Variants in PDE1C observed in about 807,000 individuals in gnomAD.
The protein encoded by PDE1C is dual specificity calcium/calmodulin-dependent 3',5'-cyclic nucleotide phosphodiesterase 1C.
In PDE1C, 62 loss-of-function variants were observed where a neutral mutation model predicts 93.1. The ratio of observed to expected loss-of-function variants is 0.67; its 90% CI spans 0.54 to 0.82. The LOEUF is 0.82. PDE1C is among the 40% of genes least tolerant of loss of function. PDE1C has a pLI of 0.00. For synonymous variants in PDE1C, 325 were observed against 310.1 expected, an observed-to-expected ratio of 1.05 and a Z score of -0.50; for missense variants, 742 against 884.6, an observed-to-expected ratio of 0.84 and a Z score of 2.04.
chr7:31,889,067 G>C (rs1230267167), intron 2 of PDE1C, among the ~76,000 whole-genome samples: 2 of 152,134 alleles, frequency 1.3e-5, no homozygotes, highest in African/African-American at 4.8e-5. Flanking sequence ...TCAACATTTA[G>C]AAATATGAAT....
At chr7:32,096,866 G>A (rs1797783282) in intron 3 of PDE1C, among the ~76,000 whole-genome samples, 2 of 152,126 alleles carry the variant, frequency 1.3e-5, no homozygotes, top group Non-Finnish European at 2.9e-5. Flanking sequence ...TAGATAGACA[G>A]ACAGATCAAC....
intron 2 of PDE1C, among the ~76,000 whole-genome samples, chr7:31,977,724 C>G (rs933843115): frequency 6.6e-6 from 1 of 152,134 alleles, no homozygotes; most frequent in African/African-American, 2.4e-5. Context: ...TCCTTTAGAA[C>G]AAGGATCTTA....
At position 31,824,963 on chromosome 7, in the gene PDE1C, G is replaced by A; in HGVS notation, c.1310C>T (p.Pro437Leu). Reference protein sequence around the residue: ...QVGFIDFIVEPTFTVLTDMTE... With the variant: ...QVGFIDFIVELTFTVLTDMTE... ...CATGTCCGTAAGCACAGTGAAGGTG[G>A]GTTCCACGATGAAATCAATGAAACC... is the stretch of plus-strand genomic sequence containing the variant. The change falls in exon 13 of 18, where the codon CCC (proline) becomes CTC (leucine). Residue 437 changes from proline (P) to leucine (L), a missense_variant. By Grantham distance (98) the Pro-to-Leu change is moderately conservative. Transcript: ENST00000396191. 4 of 1,613,166 alleles carry A rather than the reference G, an allele frequency of 2.5e-6. No individual in the cohort carries two copies. Among genetic ancestry groups the A allele is most frequent in the Non-Finnish European group, 3.4e-6 (4 of 1,179,462 alleles).
intron 1 of PDE1C, among the ~76,000 whole-genome samples, chr7:32,419,869 T>C (rs555171980): frequency 6.9e-4 from 105 of 151,422 alleles, no homozygotes; most frequent in African/African-American, 2.4e-3. Flanking sequence ...ACTCATCCTG[T>C]CCGCTGTGTG....
intron 1 of PDE1C, among the ~76,000 whole-genome samples, chr7:32,224,095 G>A (rs977578593): frequency 3.3e-5 from 5 of 152,174 alleles, no homozygotes; most frequent in African/African-American, 4.8e-5. Flanking sequence ...AGGCTTGGCC[G>A]GGCACAGTGG....
chr7:32,172,075 A>G (rs1802690133), intron 2 of PDE1C, among the ~76,000 whole-genome samples: 1 of 151,704 alleles, frequency 6.6e-6, no homozygotes, highest in African/African-American at 2.4e-5. Flanking sequence ...TAAATCATAT[A>G]TAATTAATTA....
At chr7:32,331,717 A>T (rs1783519428) in intron 1 of PDE1C, among the ~76,000 whole-genome samples, 1 of 152,228 alleles carries the variant, frequency 6.6e-6, no homozygotes, top group Non-Finnish European at 1.5e-5. Flanking sequence ...AACAGGACTT[A>T]GTCGTACTTG....
intron 15 of PDE1C, among the ~76,000 whole-genome samples, chr7:31,810,369 G>A (rs1397123314): frequency 6.6e-6 from 1 of 152,122 alleles, no homozygotes; most frequent in Non-Finnish European, 1.5e-5. Context: ...CAGGGAATGT[G>A]TATGAGGGAC....
chr7:32,418,324 T>C (rs1785318668), intron 1 of PDE1C, among the ~76,000 whole-genome samples: 1 of 152,210 alleles, frequency 6.6e-6, no homozygotes, highest in Non-Finnish European at 1.5e-5. Flanking sequence ...CCGTACTCAC[T>C]AGATGTGCAA....
At chr7:32,398,394 T>C (rs1349782424) in intron 1 of PDE1C, among the ~76,000 whole-genome samples, 1 of 151,956 alleles carries the variant, frequency 6.6e-6, no homozygotes, top group Non-Finnish European at 1.5e-5. Context: ...AACTGTGATT[T>C]TTTTTTTCTT....
Position 32,183,001 on chromosome 7 carries a change from C to G in PDE1C, c.137-13045G>C, listed in dbSNP as rs1158662002. ...AAAAATTACAAGCATTCTTATACACCAATAACAGACAAACAGAGAGCCAAA... is the reference window on the plus strand; with the variant it reads ...AAAAATTACAAGCATTCTTATACACGAATAACAGACAAACAGAGAGCCAAA... On this transcript the variant is annotated intron_variant, in intron 2 of 18. Coordinates refer to the PDE1C transcript ENST00000396193. Among the ~76,000 whole-genome samples, 5 of 152,074 alleles carry G rather than the reference C, an allele frequency of 3.3e-5. No individual in the cohort carries two copies. The East Asian group carries it at 9.6e-4, about 29-fold the overall frequency.
At chr7:31,974,809 C>T (rs1811433643) in intron 2 of PDE1C, among the ~76,000 whole-genome samples, 1 of 152,150 alleles carries the variant, frequency 6.6e-6, no homozygotes, top group African/African-American at 2.4e-5. Flanking sequence ...TCGAAAACTG[C>T]TGTGGTGATG....
the PDE1C span, chr7:31,642,742 C>G: frequency 6.2e-7 from 1 of 1,614,002 alleles, no homozygotes; most frequent in Non-Finnish European, 8.5e-7. Context: ...GCCAAGAGAT[C>G]AGAGCCACAG....
chr7:31,889,980 T>C lies in PDE1C; in HGVS notation c.129-9120A>G, dbSNP rs892310431. Among the ~76,000 whole-genome samples the C allele has an allele frequency of 2.7e-5, 4 of 149,414 alleles. No individual in the cohort carries two copies. The Admixed American group carries it at 2.8e-4, about 10-fold the overall frequency. ...ACTCACACATTTTGTTAAAAGGACA[T>C]AGCGGATTTTTTTTTAGAGTAAGAT... On this transcript the variant is annotated intron_variant, in intron 2 of 17. Coordinates refer to ENST00000396191, the MANE Select transcript of PDE1C (RefSeq NM_001191057.4).
In PDE1C at chr7:31,827,205, C is replaced by T. The variant is rs141194489; in HGVS notation, c.1285+1087G>A. Among the ~76,000 whole-genome samples, 1,217 of 152,184 alleles carry T rather than the reference C, an allele frequency of 8.0e-3. 5 individuals carry two copies. The highest frequency in any genetic ancestry group is 0.031 in the Middle Eastern group (9 of 294). On this transcript the variant is annotated intron_variant, in intron 12 of 17. Transcript: ENST00000396191. ...TATGGAAATGTTTAGAATTTGCTGA[C>T]CATACCAGGCAGTTTTAAGTTTCCC...
chr7:32,403,097 C>T (rs1308422270), intron 1 of PDE1C, among the ~76,000 whole-genome samples: 2 of 152,222 alleles, frequency 1.3e-5, no homozygotes, highest in Admixed American at 1.3e-4. Context: ...AAATCATCAG[C>T]TGCTTCTAGC....
At chr7:32,117,691 G>T (rs1420953393) in intron 3 of PDE1C, among the ~76,000 whole-genome samples, 1 of 152,062 alleles carries the variant, frequency 6.6e-6, no homozygotes, top group Non-Finnish European at 1.5e-5. Flanking sequence ...TTATTTTCTT[G>T]ATCACTCTGG....
rs747599719 is a variant in PDE1C, at chr7:31,864,911, G to A, written c.750+31C>T. The A allele has an allele frequency of 1.0e-4, 161 of 1,600,890 alleles. 1 individual carries two copies. The South Asian group carries it at 1.7e-3, about 17-fold the overall frequency. On this transcript the variant is annotated intron_variant, in intron 7 of 17. Coordinates refer to ENST00000396191, the MANE Select transcript of PDE1C (RefSeq NM_001191057.4). Reference sequence around the variant, plus strand: ...TTAAAAACTCATCCTTACATCTTTTGGGGAACCTAAGAGTTCCTATCCCTA... The same window carrying A: ...TTAAAAACTCATCCTTACATCTTTTAGGGAACCTAAGAGTTCCTATCCCTA...
chr7:31,730,359 C>T, the PDE1C span, among the ~76,000 whole-genome samples: 1 of 152,310 alleles, frequency 6.6e-6, no homozygotes, highest in South Asian at 2.1e-4. Context: ...CCTCTGCCGT[C>T]TCCTCATTCC....
Sources: allele counts gnomAD v4.1 joint callset (sites outside exome capture counted in the v4.1 genomes callset), GRCh38; gene constraint gnomAD v4.1.1; transcripts MANE v1.5; gene names NCBI Gene and HGNC (gene_info 2026-07-23, HGNC 2026-07-21).